Variants in ZNF184 observed in about 807,000 individuals in gnomAD.
ZNF184 encodes the protein zinc finger protein 184, also known as zinc finger protein 184 (Kruppel-like).
A neutral mutation model predicts 54.4 loss-of-function variants in ZNF184; 16 were observed. The observed-to-expected ratio is 0.29, with a 90% CI of 0.20 to 0.45. ZNF184 has a LOEUF of 0.45. Among genes scored for constraint, ZNF184 ranks in the 20% least tolerant of loss-of-function variants. The pLI, the probability that ZNF184 is intolerant of heterozygous loss-of-function variation, is 1.00. For synonymous variants in ZNF184, 254 were observed against 295.3 expected (o/e 0.86, Z 1.43); for missense variants, 681 against 888.2 (o/e 0.77, Z 2.97).
At chr6:27,410,919 G>A in the ZNF184 span, among the ~76,000 whole-genome samples, 3 of 152,232 alleles carry the variant, frequency 2.0e-5, no homozygotes, top group African/African-American at 7.2e-5. Context: ...AGAAATGAGA[G>A]ATGGTAGGCA....
intron 5 of ZNF184, among the ~76,000 whole-genome samples, chr6:27,455,789 G>A (rs12199110): frequency 0.6 from 91,660 of 151,850 alleles, 27,759 homozygotes; most frequent in Middle Eastern, 0.75. Context: ...TTTTTCCCCC[G>A]TAAAGAAGAA....
rs1445695382 is a variant in ZNF184 at position 27,452,003 on chromosome 6, T to C, written c.1556A>G (p.Gln519Arg). The C allele has an allele frequency of 1.2e-6, 2 of 1,613,830 alleles. No homozygotes were observed. The highest frequency in any genetic ancestry group is 1.3e-5 in the African/African-American group (1 of 74,912). ...KAFSYLSNLN[Q>R]HQKTHTQEKA... is the part of the protein sequence containing the mutation. ...CTCTTGAGTATGAGTTTTCTGATGC[T>C]GATTAAGGTTTGAGAGATAACTGAA... Residue 519 changes from glutamine (Q) to arginine (R), a missense_variant, in exon 6 of 6, where the codon CAG (glutamine) becomes CGG (arginine). Gln to Arg is a conservative substitution (Grantham distance 43). Coordinates refer to ENST00000683788, the MANE Select transcript of ZNF184 (RefSeq NM_001318891.2). This position sits in a 1 kb window ranked among gnomAD's most constrained non-coding sequence, Gnocchi z 5.5.
downstream of ZNF184, among the ~76,000 whole-genome samples, chr6:27,446,538 T>C (rs901566327): frequency 5.3e-5 from 8 of 152,216 alleles, no homozygotes; most frequent in East Asian, 9.6e-4. Context: ...AGGCAGAGAA[T>C]TGTGCAGGGA....
chr6:27,420,192 T>C, the ZNF184 span, among the ~76,000 whole-genome samples: 5 of 152,234 alleles, frequency 3.3e-5, no homozygotes, highest in Admixed American at 6.5e-5. Context: ...CGATAAATGC[T>C]TCTATGGATT....
the ZNF184 span, among the ~76,000 whole-genome samples, chr6:27,436,264 A>T: frequency 6.6e-6 from 1 of 152,056 alleles, no homozygotes; most frequent in African/African-American, 2.4e-5. Flanking sequence ...CCCAGGTTCA[A>T]GCAATTCTTG....
the ZNF184 span, among the ~76,000 whole-genome samples, chr6:27,426,685 A>G: frequency 1.3e-5 from 2 of 152,318 alleles, no homozygotes; most frequent in East Asian, 1.9e-4. The surrounding 1 kb of genome is among the most constrained non-coding windows in gnomAD (Gnocchi z 4.2). Flanking sequence ...CCCACACGCT[A>G]TTAGTCAGCA....
intron 3 of ZNF184, among the ~76,000 whole-genome samples, chr6:27,461,327 T>C (rs1427522911): frequency 6.6e-6 from 1 of 152,198 alleles, no homozygotes; most frequent in Non-Finnish European, 1.5e-5. Context: ...AATACCCTTT[T>C]CCTTCTGATC....
the ZNF184 span, among the ~76,000 whole-genome samples, chr6:27,422,400 C>T: frequency 6.6e-6 from 1 of 151,852 alleles, no homozygotes; most frequent in Non-Finnish European, 1.5e-5. Context: ...GTCTGTTTTT[C>T]GCTTTTTTGC....
At chr6:27,415,997 G>C in the ZNF184 span, among the ~76,000 whole-genome samples, 1 of 152,150 alleles carries the variant, frequency 6.6e-6, no homozygotes, top group Non-Finnish European at 1.5e-5. Flanking sequence ...GTTTCTGGTA[G>C]TGTCAGTCAT....
chr6:27,411,491 G>A, the ZNF184 span, among the ~76,000 whole-genome samples: 1 of 152,204 alleles, frequency 6.6e-6, no homozygotes, highest in African/African-American at 2.4e-5. Flanking sequence ...GGTGTGCAGA[G>A]GGGGATTTCT....
chr6:27,421,461 G>A, the ZNF184 span, among the ~76,000 whole-genome samples: 17 of 152,034 alleles, frequency 1.1e-4, no homozygotes, highest in Non-Finnish European at 1.9e-4. Context: ...AATTAATCAA[G>A]GCAATAATCA....
chr6:27,462,283 T>C (rs2113726216), intron 3 of ZNF184, among the ~76,000 whole-genome samples: 1 of 151,890 alleles, frequency 6.6e-6, no homozygotes, highest in African/African-American at 2.4e-5. Context: ...CTGCAAGCTC[T>C]ACCTCCCAGG....
chr6:27,423,768 A>C, the ZNF184 span, among the ~76,000 whole-genome samples: 5,271 of 152,326 alleles, frequency 0.035, 184 homozygotes, highest in African/African-American at 0.091. Context: ...TTTATGCTTA[A>C]CAAAAATGTT....
At chr6:27,410,768 G>T in the ZNF184 span, among the ~76,000 whole-genome samples, 1 of 152,196 alleles carries the variant, frequency 6.6e-6, no homozygotes, top group Non-Finnish European at 1.5e-5. Context: ...CTGACCTCAG[G>T]TGATCCACCT....
At chr6:27,430,298 C>T in the ZNF184 span, among the ~76,000 whole-genome samples, 1 of 152,142 alleles carries the variant, frequency 6.6e-6, no homozygotes, top group Non-Finnish European at 1.5e-5. Context: ...ACTGTTTTAA[C>T]TGCATAGGTG....
the ZNF184 span, among the ~76,000 whole-genome samples, chr6:27,423,973 T>A: frequency 1.3e-5 from 2 of 152,210 alleles, no homozygotes; most frequent in Non-Finnish European, 2.9e-5. Context: ...TATTAGTTGT[T>A]GTGTCTGGAA....
the ZNF184 span, among the ~76,000 whole-genome samples, chr6:27,435,752 C>A: frequency 6.6e-6 from 1 of 152,124 alleles, no homozygotes; most frequent in African/African-American, 2.4e-5. Flanking sequence ...AGTTAAAACT[C>A]CCTGAGAGAA....
rs1440039776 is a variant in ZNF184 at position 27,452,030 on chromosome 6, G to A, written c.1529C>T (p.Ala510Val). 6.2e-7 allele frequency: 1 copy of A among 1,613,986 alleles called. No individual in the cohort carries two copies. The highest frequency in any genetic ancestry group is 1.3e-5 in the African/African-American group (1 of 75,034). Residue 510 changes from alanine (A) to valine (V), a missense_variant, in exon 6 of 6, where the codon GCT (alanine) becomes GTT (valine). Ala to Val is a moderately conservative substitution (Grantham distance 64, BLOSUM62 0). Transcript: ENST00000683788. The surrounding 1 kb of genome is among the most constrained non-coding windows in gnomAD (Gnocchi z 5.5). ...KPFECSECGK[A>V]FSYLSNLNQH... Reference sequence around the variant, plus strand: ...ATTAAGGTTTGAGAGATAACTGAAAGCCTTTCCACATTCACTGCATTCAAA... The same window carrying A: ...ATTAAGGTTTGAGAGATAACTGAAAACCTTTCCACATTCACTGCATTCAAA...
At chr6:27,439,673 C>T in the ZNF184 span, among the ~76,000 whole-genome samples, 2 of 152,184 alleles carry the variant, frequency 1.3e-5, no homozygotes, top group African/African-American at 4.8e-5. Flanking sequence ...AGAGACCACA[C>T]ATAACTTTTA....
Sources: gnomAD v4.1 joint callset for allele counts (sites outside exome capture counted in the v4.1 genomes callset) on GRCh38, gnomAD v4.1.1 for gene constraint, Gnocchi (gnomAD v3.1) non-coding constraint, MANE v1.5 for transcripts, NCBI Gene and HGNC (gene_info 2026-07-23, HGNC 2026-07-21) for gene names.